The following TMED6 variants were observed in gnomAD, a reference collection of about 807,000 sequenced individuals.
TMED6 encodes transmembrane emp24 domain-containing protein 6.
A neutral mutation model predicts 26.5 loss-of-function variants in TMED6; 17 were observed. The ratio of observed to expected loss-of-function variants is 0.64; its 90% CI spans 0.44 to 0.96. The LOEUF (loss-of-function observed/expected upper bound fraction) is 0.96. Among genes scored for constraint, TMED6 ranks in the 40% least tolerant of loss-of-function variants. The pLI, the probability that TMED6 is intolerant of heterozygous loss-of-function variation, is 0.00. For missense variants in TMED6, 309 were observed against 296.5 expected (o/e 1.04, Z -0.31); for synonymous variants, 107 against 106.2 (o/e 1.01, Z -0.04).
At chr16:69,349,297 C>T (rs574942271) in intron 2 of TMED6, among the ~76,000 whole-genome samples, 30 of 152,148 alleles carry the variant, frequency 2.0e-4, no homozygotes, top group Non-Finnish European at 2.4e-4. Context: ...TAAAATTGAG[C>T]GGCTGAACCC....
rs776451266 is a variant in TMED6, at chr16:69,351,753, TGCC to T, written c.-3_-1del. The T allele has an allele frequency of 3.7e-5, 59 of 1,611,410 alleles. No individual in the cohort carries two copies. The highest frequency in any genetic ancestry group is 4.8e-5 in the Non-Finnish European group (57 of 1,179,360). On this transcript the variant is annotated 5_prime_UTR_variant, in exon 1 of 4. Transcript: ENST00000288025. ...CCAGCCCCAAAGAGCAAAGGGGACA[TGCC>T]GCTTTCTGGAGCCTCCTCTGCAGGT... is the stretch of plus-strand genomic sequence containing the variant.
At chr16:69,350,953 C>T (rs2012766019) in intron 1 of TMED6, among the ~76,000 whole-genome samples, 1 of 151,960 alleles carries the variant, frequency 6.6e-6, no homozygotes, top group Admixed American at 6.6e-5. Flanking sequence ...CTGAGTTCAC[C>T]ATCCTTGGAC....
At chr16:69,349,487 C>T (rs1257251615) in intron 2 of TMED6, 38 bp downstream of exon 2, 2 of 1,601,982 alleles carry the variant, frequency 1.2e-6, no homozygotes, top group African/African-American at 1.3e-5. Flanking sequence ...TCATAGGACC[C>T]TATGATTATT....
rs2012621070 is a variant in TMED6, at chr16:69,343,559, AGTC to A, written c.568_570del (p.Asp190del). 1.9e-6 allele frequency: 3 copies of A among 1,614,062 alleles called. No homozygotes were observed. Among genetic ancestry groups the A allele is most frequent in the Middle Eastern group, 1.7e-4 (1 of 6,060 alleles). On this transcript the variant is annotated inframe_deletion, in exon 4 of 4. Transcript: ENST00000288025. ...TTATAGTTTGATTGGATAAGGAAAAAGTCAGCCATTTTCCTCATCCGGGCAAAG... is the reference window on the plus strand; with the variant it reads ...TTATAGTTTGATTGGATAAGGAAAAAAGCCATTTTCCTCATCCGGGCAAAG...
At chr16:69,349,458 C>T in intron 2 of TMED6, 67 bp downstream of exon 2, 1 of 1,553,124 alleles carries the variant, frequency 6.4e-7, no homozygotes, top group Non-Finnish European at 8.8e-7. Context: ...CTGTATACTT[C>T]CTCATTATTT....
At position 69,347,783 on chromosome 16, in the gene TMED6, CT is replaced by C. The variant is rs779081685; in HGVS notation, c.489+4del. On this transcript the variant is annotated splice_donor_region_variant and intron_variant, in intron 3 of 3. Transcript: ENST00000288025. ...ATGTTTCTCTTCCACAAAACACTTC[CT>C]TACCTCAATTGCATCCAGAGTATCA... The C allele has an allele frequency of 6.2e-7, 1 of 1,613,930 alleles. No individual in the cohort carries two copies. Among genetic ancestry groups the C allele is most frequent in the Non-Finnish European group, 8.5e-7 (1 of 1,179,942 alleles).
intron 2 of TMED6, 38 bp downstream of exon 2, chr16:69,349,487 C>A: frequency 6.2e-7 from 1 of 1,602,100 alleles, no homozygotes; most frequent in Non-Finnish European, 8.5e-7. Context: ...TCATAGGACC[C>A]TATGATTATT....
At chr16:69,347,687 T>A (rs1053092722) in intron 3 of TMED6, 101 bp downstream of exon 3, 36 of 1,487,458 alleles carry the variant, frequency 2.4e-5, no homozygotes, top group Middle Eastern at 1.8e-4. Flanking sequence ...GAAATTCACA[T>A]CCCCTTGCCT....
In TMED6 at chr16:69,349,516, A is replaced by G. The variant is rs2012742024; in HGVS notation, c.340+9T>C. On this transcript the variant is annotated intron_variant, in intron 2 of 3. Coordinates refer to ENST00000288025, the MANE Select transcript of TMED6 (RefSeq NM_144676.4). The stretch of plus-strand genomic sequence containing the variant: ...GATTATTATAATAGCCATGGTAATG[A>G]AAACAGACCTGTCTCTTGGGTAGAG... 4.3e-6 allele frequency: 7 copies of G among 1,612,704 alleles called. No homozygotes were observed. The highest frequency in any genetic ancestry group is 5.9e-6 in the Non-Finnish European group (7 of 1,179,144).
At chr16:69,347,064 CTA>C (rs922101257) in intron 3 of TMED6, among the ~76,000 whole-genome samples, 25 of 152,000 alleles carry the variant, frequency 1.6e-4, no homozygotes, top group Non-Finnish European at 7.4e-5. Flanking sequence ...ATAGGTAAAT[CTA>C]TAGAGACAGT....
In TMED6 at chr16:69,343,320, G is replaced by A. The variant is rs2012612676; in HGVS notation, c.*87C>T. The A allele has an allele frequency of 3.4e-6, 4 of 1,181,264 alleles. No individual in the cohort carries two copies. The South Asian group carries it at 6.0e-5, about 18-fold the overall frequency. 73.2% of individuals were successfully genotyped at this position (1,181,264 alleles called of 1,614,324 possible). On this transcript the variant is annotated 3_prime_UTR_variant, in exon 4 of 4. Coordinates refer to ENST00000288025, the MANE Select transcript of TMED6 (RefSeq NM_144676.4). Reference sequence around the variant, plus strand: ...GTGCAGCAGACTAAAACATTAATGAGATAATTGATTTTTGTCCCATAACAT... The same window carrying A: ...GTGCAGCAGACTAAAACATTAATGAAATAATTGATTTTTGTCCCATAACAT...
intron 2 of TMED6, chr16:69,348,432 G>T (rs1267801569): frequency 6.6e-6 from 1 of 151,864 alleles, no homozygotes; most frequent in Non-Finnish European, 1.5e-5. Flanking sequence ...TATATCTGTT[G>T]GGGCTGGGGT....
chr16:69,348,679 G>A (rs767060634), intron 2 of TMED6, among the ~76,000 whole-genome samples: 1 of 152,002 alleles, frequency 6.6e-6, no homozygotes, highest in Non-Finnish European at 1.5e-5. Context: ...GCAATGGCGC[G>A]CTCTCGGCCC....
intron 2 of TMED6, among the ~76,000 whole-genome samples, chr16:69,349,037 T>G (rs1375462809): frequency 6.6e-6 from 1 of 152,242 alleles, no homozygotes; most frequent in African/African-American, 2.4e-5. Context: ...GTTAAGACAC[T>G]GCTGCTCTCC....
intron 1 of TMED6, among the ~76,000 whole-genome samples, chr16:69,351,064 C>A (rs901139178): frequency 6.6e-6 from 1 of 152,012 alleles, no homozygotes; most frequent in Non-Finnish European, 1.5e-5. Flanking sequence ...GATTAACTGG[C>A]CGAATACAAA....
At position 69,351,754 on chromosome 16, in the gene TMED6, G is replaced by T; in HGVS notation, c.-1C>A. 1 of 1,611,660 alleles carries T rather than the reference G, an allele frequency of 6.2e-7. No individual in the cohort carries two copies. Among genetic ancestry groups the T allele is most frequent in the South Asian group, 1.1e-5 (1 of 90,994 alleles). On this transcript the variant is annotated 5_prime_UTR_variant, in exon 1 of 4. Coordinates refer to ENST00000288025, the MANE Select transcript of TMED6 (RefSeq NM_144676.4). ...CAGCCCCAAAGAGCAAAGGGGACATGCCGCTTTCTGGAGCCTCCTCTGCAG... is the reference window on the plus strand; with the variant it reads ...CAGCCCCAAAGAGCAAAGGGGACATTCCGCTTTCTGGAGCCTCCTCTGCAG...
At chr16:69,344,238 T>G (rs1270360217) in intron 3 of TMED6, among the ~76,000 whole-genome samples, 1 of 152,134 alleles carries the variant, frequency 6.6e-6, no homozygotes, top group Non-Finnish European at 1.5e-5. Context: ...CCATTCCAGG[T>G]GATGTTTTAT....
At position 69,343,419 on chromosome 16, in the gene TMED6, C is replaced by T. The variant is rs1430851052; in HGVS notation, c.711G>A (p.Lys237=). 1 of 1,614,014 alleles carries T rather than the reference C, an allele frequency of 6.2e-7. No individual in the cohort carries two copies. The highest frequency in any genetic ancestry group is 1.1e-5 in the South Asian group (1 of 91,080). The change falls in exon 4 of 4, where the codon AAG becomes AAA. Residue 237 remains lysine (K), a synonymous_variant. Transcript: ENST00000288025. The part of the protein sequence containing the change: ...FNVPTTTDTK[K]PRC ...TAGTCACCTTAGCTTAGCATCTTGGCTTCTTTGTATCTGTAGTTGTTGGAA... is the reference window on the plus strand; with the variant it reads ...TAGTCACCTTAGCTTAGCATCTTGGTTTCTTTGTATCTGTAGTTGTTGGAA...
Position 69,346,640 on chromosome 16 carries a change from T to C in TMED6, c.489+1148A>G, listed in dbSNP as rs533955296. Reference sequence around the variant, plus strand: ...TTAGCCGGGCATGGTGAGAGGTGCCTGTAATCCCAGCTACTTGGGAGGAGG... The same window carrying C: ...TTAGCCGGGCATGGTGAGAGGTGCCCGTAATCCCAGCTACTTGGGAGGAGG... On this transcript the variant is annotated intron_variant, in intron 3 of 3. Transcript: ENST00000288025. 3.3e-5 allele frequency among the ~76,000 whole-genome samples: 5 copies of C among 152,240 alleles called. No homozygotes were observed. The East Asian group carries it at 5.8e-4, about 18-fold the overall frequency.
Sources: gnomAD v4.1 joint callset for allele counts (sites outside exome capture counted in the v4.1 genomes callset) on GRCh38, gnomAD v4.1.1 for gene constraint, MANE v1.5 for transcripts, NCBI Gene and HGNC (gene_info 2026-07-23, HGNC 2026-07-21) for gene names.